Variants in CPNE8 observed in about 807,000 individuals in gnomAD.
CPNE8 encodes the protein copine 8.
CPNE8 carries 45 observed loss-of-function variants against 81.5 expected under a neutral mutation model. That is an observed-to-expected ratio of 0.55 (90% CI 0.44 to 0.71). CPNE8 has a LOEUF of 0.71. Among genes scored for constraint, CPNE8 ranks in the 30% least tolerant of loss-of-function variants. CPNE8 has a pLI of 0.00. For synonymous variants in CPNE8, 252 were observed against 226.3 expected (o/e 1.11, Z -1.02); for missense variants, 594 against 672.1 (o/e 0.88, Z 1.28).
chr12:38,896,852 T>G (rs2137155531), intron 1 of CPNE8, among the ~76,000 whole-genome samples: 1 of 152,208 alleles, frequency 6.6e-6, no homozygotes, highest in Middle Eastern at 3.4e-3. Flanking sequence ...GACTATAAAT[T>G]TTTCCAAAGT....
intron 10 of CPNE8, among the ~76,000 whole-genome samples, chr12:38,736,163 T>G (rs556083028): frequency 5.3e-5 from 8 of 151,684 alleles, no homozygotes; most frequent in African/African-American, 1.9e-4. Context: ...TTAAAAGATA[T>G]AATTATCTTT....
chr12:38,811,767 G>C (rs1021182080), intron 6 of CPNE8, among the ~76,000 whole-genome samples: 30 of 152,172 alleles, frequency 2.0e-4, no homozygotes, highest in Non-Finnish European at 5.9e-5. Flanking sequence ...AGCTATTTGG[G>C]AGGCTGAGGC....
chr12:38,865,129 C>G (rs1327515260), intron 3 of CPNE8, among the ~76,000 whole-genome samples: 1 of 152,090 alleles, frequency 6.6e-6, no homozygotes, highest in South Asian at 2.1e-4. Flanking sequence ...TCTTTACCCA[C>G]TAACAAGAAT....
chr12:38,840,081 C>A, intron 4 of CPNE8, 126 bp from the exon 5 acceptor site: 1 of 970,856 alleles, frequency 1.0e-6, no homozygotes, highest in South Asian at 2.6e-5. Flanking sequence ...GGAAGAAAAA[C>A]TTAGCAAATT....
At chr12:38,706,083 G>A (rs1056845742) in intron 13 of CPNE8, among the ~76,000 whole-genome samples, 2 of 152,008 alleles carry the variant, frequency 1.3e-5, no homozygotes, top group Non-Finnish European at 2.9e-5. Context: ...TTCTATGCCA[G>A]TAATAAACAA....
rs1944553665 is a variant in CPNE8 at position 38,905,384 on chromosome 12, T to TC, written c.98+52_98+53insG. 3 of 1,536,946 alleles carry TC rather than the reference T, an allele frequency of 2.0e-6. No homozygotes were observed. In the South Asian group the frequency reaches 3.6e-5, roughly 18 times the overall value. On this transcript the variant is annotated intron_variant, in intron 1 of 19. Coordinates refer to ENST00000331366, the MANE Select transcript of CPNE8 (RefSeq NM_153634.3). Reference sequence around the variant, plus strand: ...GGTACCCCGAGCGCTCTCCAAGTGCTACCAACCCCACAGATGAGAGGGCAG... The same window carrying TC: ...GGTACCCCGAGCGCTCTCCAAGTGCTCACCAACCCCACAGATGAGAGGGCAG...
At chr12:38,832,031 G>A (rs1241829667) in intron 5 of CPNE8, among the ~76,000 whole-genome samples, 1 of 152,146 alleles carries the variant, frequency 6.6e-6, no homozygotes, top group Non-Finnish European at 1.5e-5. Context: ...GAGAACACAT[G>A]AACAATCATC....
At chr12:38,767,606 T>G in intron 8 of CPNE8, 29 bp downstream of exon 8, 2 of 1,264,282 alleles carry the variant, frequency 1.6e-6, no homozygotes, top group South Asian at 3.0e-5. Context: ...CATTACCATA[T>G]AGTTGAAATG....
At chr12:38,777,308 C>A (rs944327997) in intron 6 of CPNE8, among the ~76,000 whole-genome samples, 24 of 151,774 alleles carry the variant, frequency 1.6e-4, no homozygotes, top group African/African-American at 4.4e-4. Context: ...AAAAAGATTA[C>A]TGAATAAGGA....
At chr12:38,758,043 C>CTATATATTGAGTTTCTTTGCTTT (rs1302697444) in intron 10 of CPNE8, among the ~76,000 whole-genome samples, 1 of 152,056 alleles carries the variant, frequency 6.6e-6, no homozygotes, top group East Asian at 1.9e-4. Flanking sequence ...ATCTCAATAT[C>CTATATATTGAGTTTCTTTGCTTT]TAAATAGTTT....
At chr12:38,703,853 C>A (rs1295138810) in intron 13 of CPNE8, among the ~76,000 whole-genome samples, 1 of 152,044 alleles carries the variant, frequency 6.6e-6, no homozygotes, top group Non-Finnish European at 1.5e-5. Flanking sequence ...AAGAGTGACA[C>A]ACACACACAC....
intron 13 of CPNE8, among the ~76,000 whole-genome samples, chr12:38,715,102 A>C (rs143570978): frequency 2.0e-5 from 3 of 152,206 alleles, no homozygotes; most frequent in African/African-American, 7.2e-5. Flanking sequence ...AAACAAGAAG[A>C]GATAAAATTT....
chr12:38,670,079 C>T (rs1191520899), intron 19 of CPNE8, among the ~76,000 whole-genome samples: 1 of 152,174 alleles, frequency 6.6e-6, no homozygotes, highest in East Asian at 1.9e-4. Flanking sequence ...TTGTGTTTCT[C>T]TCCTCTTTCT....
chr12:38,890,107 A>G (rs1368334836), intron 1 of CPNE8, among the ~76,000 whole-genome samples: 1 of 152,220 alleles, frequency 6.6e-6, no homozygotes, highest in East Asian at 1.9e-4. Context: ...TTCATCAATC[A>G]TCATCATCTT....
intron 12 of CPNE8, among the ~76,000 whole-genome samples, chr12:38,724,560 A>G (rs1240090046): frequency 5.9e-5 from 9 of 152,256 alleles, no homozygotes; most frequent in Middle Eastern, 3.4e-3. Flanking sequence ...TTATACTTGG[A>G]TTCCACTGAA....
chr12:38,692,708 T>C (rs1253350713), intron 15 of CPNE8, among the ~76,000 whole-genome samples: 1 of 152,152 alleles, frequency 6.6e-6, no homozygotes, highest in Non-Finnish European at 1.5e-5. Flanking sequence ...TTAATAAACC[T>C]CATTTAGTTT....
At chr12:38,793,185 C>A (rs1032238241) in intron 6 of CPNE8, among the ~76,000 whole-genome samples, 15 of 142,560 alleles carry the variant, frequency 1.1e-4, no homozygotes, top group Admixed American at 1.0e-3. Context: ...TGCCCACTCT[C>A]CCACTTCTAT....
At chr12:38,758,072 T>C (rs1043866205) in intron 10 of CPNE8, among the ~76,000 whole-genome samples, 2 of 152,140 alleles carry the variant, frequency 1.3e-5, no homozygotes, top group African/African-American at 2.4e-5. Flanking sequence ...TTAAATCTGA[T>C]GTCTCAAAAG....
intron 8 of CPNE8, among the ~76,000 whole-genome samples, 196 bp from the exon 9 acceptor site, chr12:38,762,412 T>G (rs1941591991): frequency 1.3e-5 from 2 of 152,190 alleles, no homozygotes; most frequent in South Asian, 2.1e-4. Context: ...TGCAATAAAT[T>G]TACCAAAAAC....
Sources: allele counts gnomAD v4.1 joint callset (sites outside exome capture counted in the v4.1 genomes callset), GRCh38; gene constraint gnomAD v4.1.1; transcripts MANE v1.5; gene names NCBI Gene and HGNC (gene_info 2026-07-23, HGNC 2026-07-21).